The following RBFOX1 variants were observed in gnomAD, a reference collection of about 807,000 sequenced individuals.
RBFOX1 encodes the protein RNA binding protein fox-1 homolog 1.
A neutral mutation model predicts 57.7 loss-of-function variants in RBFOX1; 8 were observed. That is an observed-to-expected ratio of 0.14 (90% confidence interval 0.08 to 0.25). RBFOX1 has a LOEUF of 0.25. RBFOX1 is among the 10% of genes least tolerant of loss of function. The probability of loss-of-function intolerance (pLI) is 1.00; values close to 1 mark genes in which losing one functional copy is unlikely to be tolerated. For missense variants in RBFOX1, 611 were observed against 548.5 expected, an observed-to-expected ratio of 1.11 and a Z score of -1.14; for synonymous variants, 326 against 222.4, an observed-to-expected ratio of 1.47 and a Z score of -4.15.
intron 4 of RBFOX1, among the ~76,000 whole-genome samples, chr16:7,144,826 G>A (rs181696582): frequency 6.6e-6 from 1 of 152,228 alleles, no homozygotes; most frequent in Admixed American, 6.5e-5. Context: ...AGTCTTTATG[G>A]CCCGAGAAGG....
intron 2 of RBFOX1, among the ~76,000 whole-genome samples, chr16:6,432,215 C>T (rs1247092918): frequency 2.0e-5 from 3 of 151,982 alleles, no homozygotes; most frequent in Non-Finnish European, 4.4e-5. Flanking sequence ...GCAGTCCTCC[C>T]ACCTGGGCTT....
chr16:6,095,626 G>C (rs2096235798), intron 1 of RBFOX1, among the ~76,000 whole-genome samples: 1 of 151,842 alleles, frequency 6.6e-6, no homozygotes, highest in South Asian at 2.1e-4. Flanking sequence ...CCTGTGCAAA[G>C]AACTTGGGAA....
chr16:5,370,701 C>T (rs2065836477), intron 1 of RBFOX1, among the ~76,000 whole-genome samples: 1 of 151,970 alleles, frequency 6.6e-6, no homozygotes, highest in Admixed American at 6.6e-5. Flanking sequence ...CTGTGTTGCC[C>T]AGGCTGATCT....
chr16:7,391,265 G>A (rs1304518121), intron 4 of RBFOX1, among the ~76,000 whole-genome samples: 1 of 152,170 alleles, frequency 6.6e-6, no homozygotes, highest in Non-Finnish European at 1.5e-5. Flanking sequence ...AATAGCATTT[G>A]CTGATGTCCC....
At chr16:7,464,675 T>G (rs2060172108) in intron 4 of RBFOX1, among the ~76,000 whole-genome samples, 1 of 149,600 alleles carries the variant, frequency 6.7e-6, no homozygotes, top group African/African-American at 2.5e-5. Flanking sequence ...GAAATACTTC[T>G]TGTATTGTCT....
intron 3 of RBFOX1, among the ~76,000 whole-genome samples, chr16:5,738,391 G>A (rs969915032): frequency 2.0e-5 from 3 of 151,726 alleles, no homozygotes; most frequent in Admixed American, 6.6e-5. Flanking sequence ...CAACAGTTTG[G>A]GAGGCCAAGG....
chr16:6,658,928 G>GTTTTTTTTTTTTTTGTTTTTTTTTTTTTT (rs981949678), intron 3 of RBFOX1, among the ~76,000 whole-genome samples: 1 of 87,564 alleles, frequency 1.1e-5, no homozygotes, highest in Non-Finnish European at 2.5e-5. Flanking sequence ...TTGTTTTTTG[G>GTTTTTTTTTTTTTTGTTTTTTTTTTTTTT]TTTTTTTGTT....
In RBFOX1 at chr16:6,949,643, A is replaced by G. The variant is rs142722304; in HGVS notation, c.-15-102414A>G. 7.2e-3 allele frequency among the ~76,000 whole-genome samples: 1,094 copies of G among 152,164 alleles called. 6 individuals carry two copies. Among genetic ancestry groups the G allele is most frequent in the Non-Finnish European group, 0.011 (728 of 68,012 alleles). On this transcript the variant is annotated intron_variant, in intron 3 of 15. Transcript: ENST00000550418. The stretch of plus-strand genomic sequence containing the variant: ...CTCTTTTTCTAAAAATGGCAGTCAA[A>G]TTGGATTAAATCCCCAACCTTATGA...
In RBFOX1 at chr16:5,827,871, GTCCATCCATCCA is replaced by G. The variant is rs58720656; in HGVS notation, c.319-39395_319-39384del. On this transcript the variant is annotated intron_variant, in intron 3 of 19. Coordinates refer to the RBFOX1 transcript ENST00000641259. ...CACCCACCCACTCATCCAGGCTTTT[GTCCATCCATCCA>G]TCCATCCATCCATCCATCCATCCAT... is the stretch of plus-strand genomic sequence containing the variant. 8.5e-3 allele frequency among the ~76,000 whole-genome samples: 1,096 copies of G among 128,322 alleles called. 9 individuals are homozygous for G. The highest frequency in any genetic ancestry group is 0.02 in the East Asian group (89 of 4,526). 84.2% of individuals were successfully genotyped at this position (128,322 alleles called of 152,430 possible).
At chr16:5,964,294 G>C (rs140763644) in intron 4 of RBFOX1, among the ~76,000 whole-genome samples, 2 of 152,156 alleles carry the variant, frequency 1.3e-5, no homozygotes, top group Non-Finnish European at 2.9e-5. Flanking sequence ...GCACTTGTTG[G>C]TGGGAATGTA....
intron 3 of RBFOX1, among the ~76,000 whole-genome samples, chr16:5,763,763 T>TTCACAGAGC (rs779399117): frequency 6.6e-6 from 1 of 152,142 alleles, no homozygotes; most frequent in Non-Finnish European, 1.5e-5. Flanking sequence ...GCCCCAGAGA[T>TTCACAGAGC]TCACAGAGCT....
intron 5 of RBFOX1, among the ~76,000 whole-genome samples, chr16:7,567,895 G>GTA (rs71150316): frequency 1.1e-4 from 16 of 149,206 alleles, no homozygotes; most frequent in Admixed American, 8.8e-4. Context: ...GTATACCTAT[G>GTA]TATATATATA....
At chr16:5,438,506 C>G (rs1232769242) in intron 1 of RBFOX1, among the ~76,000 whole-genome samples, 1 of 152,188 alleles carries the variant, frequency 6.6e-6, no homozygotes, top group East Asian at 1.9e-4. Context: ...ACTGAGTTAT[C>G]CTGATCTCAC....
At chr16:5,718,558 A>C (rs1176035678) in intron 3 of RBFOX1, among the ~76,000 whole-genome samples, 1 of 152,224 alleles carries the variant, frequency 6.6e-6, no homozygotes, top group Admixed American at 6.5e-5. Flanking sequence ...TATTAAATGC[A>C]TGGGGCTTTG....
At chr16:7,699,462 G>C (rs181760808) in intron 14 of RBFOX1, among the ~76,000 whole-genome samples, 1 of 152,114 alleles carries the variant, frequency 6.6e-6, no homozygotes, top group Non-Finnish European at 1.5e-5. Flanking sequence ...AAAGTCCTGC[G>C]AGTACAGGCA....
chr16:7,595,394 GC>G (rs2094634755), intron 7 of RBFOX1, among the ~76,000 whole-genome samples, 154 bp from the exon 8 acceptor site: 1 of 152,112 alleles, frequency 6.6e-6, no homozygotes, highest in Non-Finnish European at 1.5e-5. Flanking sequence ...CTTAATTATT[GC>G]ACATCTCAGT....
intron 4 of RBFOX1, among the ~76,000 whole-genome samples, chr16:5,982,897 T>G (rs1204773137): frequency 6.6e-6 from 1 of 152,196 alleles, no homozygotes; most frequent in East Asian, 1.9e-4. Flanking sequence ...GATGAATGCT[T>G]TAATGAATCA....
intron 3 of RBFOX1, among the ~76,000 whole-genome samples, chr16:6,688,447 C>G (rs1212229279): frequency 1.3e-5 from 2 of 152,078 alleles, no homozygotes; most frequent in African/African-American, 2.4e-5. Flanking sequence ...TACCTGCATT[C>G]TTTTATTTAG....
intron 1 of RBFOX1, among the ~76,000 whole-genome samples, chr16:6,197,015 GAC>G (rs2097184041): frequency 6.6e-6 from 1 of 152,100 alleles, no homozygotes; most frequent in South Asian, 2.1e-4. Context: ...AAAGAAGAAA[GAC>G]ATATATAATT....
Sources: allele counts gnomAD v4.1 joint callset (sites outside exome capture counted in the v4.1 genomes callset), GRCh38; gene constraint gnomAD v4.1.1; transcripts MANE v1.5; gene names NCBI Gene and HGNC (gene_info 2026-07-23, HGNC 2026-07-21).